Variants in SLC23A2 observed in about 807,000 individuals in gnomAD.
SLC23A2 encodes the protein Na(+)/L-ascorbic acid transporter 2.
A neutral mutation model predicts 73.3 loss-of-function variants in SLC23A2; 36 were observed. The ratio of observed to expected loss-of-function variants is 0.49; its 90% CI spans 0.38 to 0.65. The LOEUF (loss-of-function observed/expected upper bound fraction) is 0.65, where lower values mean the gene tolerates loss of function less well. SLC23A2 is among the 30% of genes least tolerant of loss of function. The pLI is 0.00. For synonymous variants in SLC23A2, 343 were observed against 327.3 expected (o/e 1.05, Z -0.52); for missense variants, 507 against 841.6 (o/e 0.60, Z 4.92).
At chr20:4,990,745 G>A (rs917417781) in intron 1 of SLC23A2, among the ~76,000 whole-genome samples, 15 of 151,232 alleles carry the variant, frequency 9.9e-5, no homozygotes, top group Non-Finnish European at 1.9e-4. Flanking sequence ...CACTGTTGGA[G>A]GCCAAGGCAG....
In SLC23A2 at chr20:4,863,069, C is replaced by T. The variant is rs530327997; in HGVS notation, c.1357-162G>A. ...CCTCCACTGTGGGGACCCTGAGGGC[C>T]GCCCTCTGCATCTCCAAGCCTTGGT... On this transcript the variant is annotated intron_variant, in intron 13 of 16. Transcript: ENST00000338244. The surrounding 1 kb of genome is among the most constrained non-coding windows in gnomAD (Gnocchi z 4.8). 2.2e-4 allele frequency among the ~76,000 whole-genome samples: 33 copies of T among 152,278 alleles called. No individual in the cohort carries two copies. The highest frequency in any genetic ancestry group is 8.3e-4 in the South Asian group (4 of 4,820).
chr20:4,969,380 C>T (rs1293595918), intron 2 of SLC23A2, among the ~76,000 whole-genome samples: 1 of 152,168 alleles, frequency 6.6e-6, no homozygotes, highest in South Asian at 2.1e-4. Flanking sequence ...TGAGCCACTA[C>T]ACCCAGCCTT....
chr20:4,988,733 TC>T (rs2076776866), intron 1 of SLC23A2, among the ~76,000 whole-genome samples: 1 of 73,892 alleles, frequency 1.4e-5, no homozygotes, highest in Admixed American at 1.9e-4. Flanking sequence ...AGACTTCGTC[TC>T]AAAAAAAAAA....
chr20:4,955,837 T>C (rs2087279266), intron 2 of SLC23A2, among the ~76,000 whole-genome samples: 1 of 151,798 alleles, frequency 6.6e-6, no homozygotes, highest in Non-Finnish European at 1.5e-5. Context: ...ACATGTGCGA[T>C]TGAGCTTTAA....
Position 4,857,797 on chromosome 20 carries a change from G to T in SLC23A2, c.1721-593C>A, listed in dbSNP as rs188533979. 1.7e-3 allele frequency among the ~76,000 whole-genome samples: 266 copies of T among 152,206 alleles called. 1 individual carries two copies. The highest frequency in any genetic ancestry group is 5.8e-3 in the African/African-American group (242 of 41,534). On this transcript the variant is annotated intron_variant, in intron 16 of 16. Coordinates refer to ENST00000338244, the MANE Select transcript of SLC23A2 (RefSeq NM_005116.6). This position sits in a 1 kb window ranked among gnomAD's most constrained non-coding sequence, Gnocchi z 4.0. ...AATACAAAAATTAGCTGGGCGTGGT[G>T]GTGCATGCCTGTAATCTTAACTACT...
chr20:4,937,800 G>A (rs1299278637), intron 2 of SLC23A2, among the ~76,000 whole-genome samples: 1 of 152,128 alleles, frequency 6.6e-6, no homozygotes, highest in East Asian at 1.9e-4. Context: ...TATACACACT[G>A]CCTCTGTGAG....
Position 4,885,069 on chromosome 20 carries a change from T to C in SLC23A2, c.572-246A>G, listed in dbSNP as rs904358329. On this transcript the variant is annotated intron_variant, in intron 7 of 16. Transcript: ENST00000338244. ...TGTCAAAAGCTAACTGAAGTGGTGATACACGTTACTAGCACCAGCCTCACA... is the reference window on the plus strand; with the variant it reads ...TGTCAAAAGCTAACTGAAGTGGTGACACACGTTACTAGCACCAGCCTCACA... 2.6e-5 allele frequency among the ~76,000 whole-genome samples: 4 copies of C among 152,210 alleles called. No homozygotes were observed. The South Asian group carries it at 8.3e-4, about 32-fold the overall frequency.
chr20:4,897,685 G>T (rs1385949248), intron 6 of SLC23A2, among the ~76,000 whole-genome samples: 1 of 152,138 alleles, frequency 6.6e-6, no homozygotes, highest in Admixed American at 6.6e-5. Flanking sequence ...TGCCCTCTGT[G>T]ACCAAAAGTA....
intron 6 of SLC23A2, among the ~76,000 whole-genome samples, chr20:4,892,164 T>A (rs1931357239): frequency 6.6e-6 from 1 of 152,138 alleles, no homozygotes; most frequent in Admixed American, 6.5e-5. Context: ...CGCCTCTGCA[T>A]CCAAGGACTC....
chr20:4,977,578 G>T (rs1405360688), intron 1 of SLC23A2, among the ~76,000 whole-genome samples: 1 of 151,428 alleles, frequency 6.6e-6, no homozygotes, highest in Non-Finnish European at 1.5e-5. Context: ...TGCACCTGTA[G>T]TCCCAGCTAC....
intron 6 of SLC23A2, among the ~76,000 whole-genome samples, chr20:4,886,666 T>C (rs1275465956): frequency 1.3e-5 from 2 of 152,224 alleles, no homozygotes; most frequent in Non-Finnish European, 2.9e-5. Context: ...CTACCATTTT[T>C]TAATGGAAAT....
At chr20:4,905,593 A>G (rs1319800404) in intron 4 of SLC23A2, among the ~76,000 whole-genome samples, 1 of 152,260 alleles carries the variant, frequency 6.6e-6, no homozygotes, top group Non-Finnish European at 1.5e-5. Context: ...GACTAGAGTG[A>G]ACTCAGAACG....
chr20:4,949,225 T>C (rs985191281), intron 2 of SLC23A2, among the ~76,000 whole-genome samples: 1 of 150,238 alleles, frequency 6.7e-6, no homozygotes, highest in African/African-American at 2.5e-5. Flanking sequence ...GAGGCGGAGA[T>C]TGCAGTGAGC....
At chr20:4,923,639 AT>A (rs1932572253) in intron 3 of SLC23A2, among the ~76,000 whole-genome samples, 1 of 152,130 alleles carries the variant, frequency 6.6e-6, no homozygotes, top group Non-Finnish European at 1.5e-5. Context: ...CAGAAAGAAC[AT>A]TTTCCCAGAC....
intron 4 of SLC23A2, among the ~76,000 whole-genome samples, chr20:4,906,163 C>A (rs1045008152): frequency 6.6e-6 from 1 of 152,122 alleles, no homozygotes; most frequent in Non-Finnish European, 1.5e-5. Flanking sequence ...CAGACAGAGA[C>A]CCTGTCTCCA....
At chr20:4,942,243 T>C (rs1023930804) in intron 2 of SLC23A2, among the ~76,000 whole-genome samples, 1 of 152,102 alleles carries the variant, frequency 6.6e-6, no homozygotes, top group African/African-American at 2.4e-5. Context: ...TAAAATAACT[T>C]TGGGTTTCAG....
chr20:5,002,204 G>T (rs919769262), upstream of SLC23A2, among the ~76,000 whole-genome samples: 12 of 152,142 alleles, frequency 7.9e-5, no homozygotes, highest in African/African-American at 2.9e-4. Context: ...CTCGGTCTTA[G>T]AGCTGGGCAG....
chr20:4,968,724 CT>C (rs10684173), intron 2 of SLC23A2, among the ~76,000 whole-genome samples: 38 of 147,044 alleles, frequency 2.6e-4, no homozygotes, highest in East Asian at 4.0e-4. Context: ...GTGTATTTTT[CT>C]TTTTTTTTTT....
At chr20:5,008,400 G>A (rs2088213670) in intron 1 of SLC23A2, among the ~76,000 whole-genome samples, 1 of 152,132 alleles carries the variant, frequency 6.6e-6, no homozygotes, top group Non-Finnish European at 1.5e-5. Context: ...AAGCACACTG[G>A]TGGGCACGGA....
Sources: allele counts gnomAD v4.1 joint callset (sites outside exome capture counted in the v4.1 genomes callset), GRCh38; gene constraint gnomAD v4.1.1; non-coding constraint Gnocchi (gnomAD v3.1); transcripts MANE v1.5; gene names NCBI Gene and HGNC (gene_info 2026-07-23, HGNC 2026-07-21).